The following GRID2 variants were observed in gnomAD, a reference collection of about 807,000 sequenced individuals.
GRID2 encodes glutamate ionotropic receptor delta type subunit 2, also known as glutamate receptor ionotropic, delta-2.
A neutral mutation model predicts 114.8 loss-of-function variants in GRID2; 33 were observed. That is an observed-to-expected ratio of 0.29 (90% CI 0.22 to 0.38). The LOEUF is 0.38. Ranked by LOEUF, GRID2 falls within the 10% of genes least tolerant of loss-of-function variation. The probability of loss-of-function intolerance (pLI) is 1.00; values close to 1 mark genes in which losing one functional copy is unlikely to be tolerated. For synonymous variants in GRID2, 505 were observed against 449.9 expected, an observed-to-expected ratio of 1.12 and a Z score of -1.55; for missense variants, 1,184 against 1,257.7, an observed-to-expected ratio of 0.94 and a Z score of 0.89.
intron 8 of GRID2, among the ~76,000 whole-genome samples, chr4:93,301,144 A>G (rs1246903855): frequency 1.3e-5 from 2 of 152,330 alleles, no homozygotes; most frequent in South Asian, 2.1e-4. Context: ...TCTTCCCTCA[A>G]TACACAAATT....
At chr4:93,212,608 T>C (rs76205533) in intron 5 of GRID2, among the ~76,000 whole-genome samples, 1,851 of 152,204 alleles carry the variant, frequency 0.012, 34 homozygotes, top group African/African-American at 0.042. Context: ...AGAAGCACAA[T>C]GCTTCATATA....
chr4:92,661,846 T>C (rs1015254457), intron 2 of GRID2, among the ~76,000 whole-genome samples: 1 of 151,056 alleles, frequency 6.6e-6, no homozygotes, highest in African/African-American at 2.4e-5. Context: ...GAGTTATCTT[T>C]GGCTAATGTC....
At chr4:93,205,701 T>A (rs1742665269) in intron 4 of GRID2, among the ~76,000 whole-genome samples, 1 of 152,080 alleles carries the variant, frequency 6.6e-6, no homozygotes, top group Non-Finnish European at 1.5e-5. Flanking sequence ...TCAAATGGTA[T>A]TTCTAGTTCT....
intron 2 of GRID2, among the ~76,000 whole-genome samples, chr4:92,652,931 T>TATATTTATAAATAC (rs1732032630): frequency 4.0e-5 from 5 of 125,276 alleles, no homozygotes; most frequent in African/African-American, 8.4e-5. Context: ...CATATAAATA[T>TATATTTATAAATAC]ATATAAACAT....
chr4:92,641,576 G>T (rs1731353331), intron 2 of GRID2, among the ~76,000 whole-genome samples: 1 of 151,698 alleles, frequency 6.6e-6, no homozygotes, highest in African/African-American at 2.4e-5. Flanking sequence ...AAAACTTGCA[G>T]GTATAAAATG....
chr4:92,655,660 AT>A (rs373518607), intron 2 of GRID2, among the ~76,000 whole-genome samples: 2 of 150,292 alleles, frequency 1.3e-5, no homozygotes, highest in Admixed American at 6.6e-5. Flanking sequence ...TGACTTCTTG[AT>A]TTTTTTTCAT....
chr4:92,398,024 A>G (rs957328236), intron 1 of GRID2, among the ~76,000 whole-genome samples: 25 of 152,146 alleles, frequency 1.6e-4, no homozygotes, highest in African/African-American at 6.0e-4. Flanking sequence ...CTTTTGGAGA[A>G]CTTACCTTAC....
At chr4:93,200,565 C>CAAAA (rs1193157530) in intron 4 of GRID2, among the ~76,000 whole-genome samples, 2 of 102,308 alleles carry the variant, frequency 2.0e-5, no homozygotes. Context: ...GACTCCGTCT[C>CAAAA]AAAACAAACA....
intron 8 of GRID2, among the ~76,000 whole-genome samples, chr4:93,314,385 A>C (rs1756361955): frequency 6.6e-6 from 1 of 151,684 alleles, no homozygotes; most frequent in African/African-American, 2.4e-5. Flanking sequence ...AAGACCCAAC[A>C]TCATAAGTAC....
intron 11 of GRID2, among the ~76,000 whole-genome samples, chr4:93,479,368 AG>A (rs1725634761): frequency 6.6e-6 from 1 of 152,124 alleles, no homozygotes; most frequent in South Asian, 2.1e-4. Flanking sequence ...CAATAAAATG[AG>A]GTATGCCTAT....
chr4:93,105,423 G>A (rs1378980488), intron 3 of GRID2, among the ~76,000 whole-genome samples: 2 of 152,110 alleles, frequency 1.3e-5, no homozygotes, highest in Non-Finnish European at 2.9e-5. Flanking sequence ...TTTTCTTCTA[G>A]GGTTTTTATG....
chr4:93,037,198 C>A (rs981048436), intron 2 of GRID2, among the ~76,000 whole-genome samples: 5 of 152,128 alleles, frequency 3.3e-5, no homozygotes, highest in Non-Finnish European at 5.9e-5. Flanking sequence ...ATCTGATGAA[C>A]TCTCAAGTCC....
chr4:93,678,675 C>A (rs1725179463), intron 14 of GRID2, among the ~76,000 whole-genome samples: 1 of 151,874 alleles, frequency 6.6e-6, no homozygotes, highest in Non-Finnish European at 1.5e-5. Context: ...TCCAGCCAAA[C>A]TAAGCTTCAT....
At chr4:93,220,774 A>G (rs1744781069) in intron 6 of GRID2, among the ~76,000 whole-genome samples, 1 of 152,172 alleles carries the variant, frequency 6.6e-6, no homozygotes. Flanking sequence ...TATTCCTGAA[A>G]TGCAAGGAAC....
At chr4:92,408,299 C>T (rs1243484188) in intron 1 of GRID2, among the ~76,000 whole-genome samples, 3 of 151,862 alleles carry the variant, frequency 2.0e-5, no homozygotes, top group African/African-American at 4.8e-5. Flanking sequence ...TTCCACTGGT[C>T]GATGTGTCTG....
chr4:92,396,845 A>G (rs549078065), intron 1 of GRID2, among the ~76,000 whole-genome samples: 1 of 152,198 alleles, frequency 6.6e-6, no homozygotes, highest in African/African-American at 2.4e-5. Flanking sequence ...ATTCCAATAT[A>G]GTAGTGTTGA....
chr4:92,438,864 A>G (rs1340890070), intron 1 of GRID2, among the ~76,000 whole-genome samples: 1 of 152,210 alleles, frequency 6.6e-6, no homozygotes, highest in African/African-American at 2.4e-5. Flanking sequence ...CCATGAAACA[A>G]TATCAACATT....
At chr4:92,434,231 T>A (rs1352346429) in intron 1 of GRID2, among the ~76,000 whole-genome samples, 1 of 152,124 alleles carries the variant, frequency 6.6e-6, no homozygotes, top group Non-Finnish European at 1.5e-5. Flanking sequence ...CATGGACTGT[T>A]TTTTTTGCGT....
At chr4:93,756,115 A>G (rs1257142640) in intron 14 of GRID2, among the ~76,000 whole-genome samples, 1 of 152,202 alleles carries the variant, frequency 6.6e-6, no homozygotes, top group Non-Finnish European at 1.5e-5. Context: ...TAACATTTAT[A>G]TGTATCCTAG....
Sources: allele counts gnomAD v4.1 joint callset (sites outside exome capture counted in the v4.1 genomes callset), GRCh38; gene constraint gnomAD v4.1.1; transcripts MANE v1.5; gene names NCBI Gene and HGNC (gene_info 2026-07-23, HGNC 2026-07-21).